CEACAM1: variants seen among roughly 807,000 people sequenced by gnomAD.
CEACAM1 encodes the protein CEA cell adhesion molecule 1.
CEACAM1 carries 31 observed loss-of-function variants against 49.1 expected under a neutral mutation model. The ratio of observed to expected loss-of-function variants is 0.63; its 90% CI spans 0.47 to 0.85. The LOEUF is 0.85. Ranked by LOEUF, CEACAM1 falls within the 40% of genes least tolerant of loss-of-function variation. The pLI is 0.00. For synonymous variants in CEACAM1, 244 were observed against 247.8 expected, an observed-to-expected ratio of 0.98 and a Z score of 0.14; for missense variants, 570 against 645.3, an observed-to-expected ratio of 0.88 and a Z score of 1.26.
In CEACAM1 at chr19:42,519,079, A is replaced by G; in HGVS notation, c.1115T>C (p.Met372Thr). 1.2e-6 allele frequency: 2 copies of G among 1,614,138 alleles called. No homozygotes were observed. The highest frequency in any genetic ancestry group is 1.7e-6 in the Non-Finnish European group (2 of 1,180,028). The change falls in exon 5 of 9, where the codon ATG becomes ACG. Residue 372 changes from methionine to threonine, a missense_variant. Physicochemically the swap from Met to Thr is moderately conservative, Grantham distance 81. Transcript: ENST00000161559. ...KNQSLPSSERMKLSQGNTTLS... is the reference protein window; with the variant it reads ...KNQSLPSSERTKLSQGNTTLS... Reference sequence around the variant, plus strand: ...GGTGGTGTTGCCCTGGGACAGCTTCATCCTCTCCGAGGACGGGAGACTCTG... The same window carrying G: ...GGTGGTGTTGCCCTGGGACAGCTTCGTCCTCTCCGAGGACGGGAGACTCTG...
intron 5 of CEACAM1, chr19:42,514,929 T>C (rs906915301): frequency 1.7e-6 from 1 of 583,172 alleles, no homozygotes; most frequent in Admixed American, 3.1e-5. Flanking sequence ...ACATTTCCTC[T>C]GTGTGTGGTG....
intron 4 of CEACAM1, 67 bp downstream of exon 4, chr19:42,521,199 TG>T (rs2041736766): frequency 1.3e-6 from 2 of 1,568,232 alleles, no homozygotes; most frequent in Non-Finnish European, 1.7e-6. Context: ...ATTTCTTCTC[TG>T]CTCCTATTTG....
chr19:42,512,534 G>A (rs2041485071), intron 5 of CEACAM1, 55 bp from the exon 6 acceptor site: 1 of 1,540,418 alleles, frequency 6.5e-7, no homozygotes, highest in Admixed American at 1.7e-5. Flanking sequence ...TTTACAATGG[G>A]GGCTGGGAAA....
chr19:42,517,805 G>C (rs2041635816), intron 5 of CEACAM1, among the ~76,000 whole-genome samples: 1 of 152,322 alleles, frequency 6.6e-6, no homozygotes, highest in Admixed American at 6.5e-5. Context: ...ATTACCATTT[G>C]ATCCAGCAAT....
At position 42,512,454 on chromosome 19, in the gene CEACAM1, G is replaced by A. The variant is rs761364862; in HGVS notation, c.1272C>T (p.Gly424=). 3.1e-6 allele frequency: 5 copies of A among 1,614,120 alleles called. No homozygotes were observed. Among genetic ancestry groups the A allele is most frequent in the Admixed American group, 3.3e-5 (2 of 60,026 alleles). The change falls in exon 6 of 9, where the codon GGC becomes GGT. Residue 424 remains glycine (G), a synonymous_variant. Coordinates refer to ENST00000161559, the MANE Select transcript of CEACAM1 (RefSeq NM_001712.5). The stretch of plus-strand genomic sequence containing the variant: ...TGCCAGCAATGGCCCCAGGTGAGAG[G>A]CCATTTTCTTGTGGTAGAGCATTAT... The part of the protein sequence containing the change: ...VNYNALPQEN[G]LSPGAIAGIV...
intron 4 of CEACAM1, 37 bp downstream of exon 4, chr19:42,521,230 C>G (rs766467980): frequency 3.1e-6 from 5 of 1,606,350 alleles, no homozygotes; most frequent in Non-Finnish European, 4.3e-6. Context: ...AAGCTTGTAC[C>G]CCAGATCTTA....
chr19:42,512,600 G>T, intron 5 of CEACAM1, 121 bp from the exon 6 acceptor site: 1 of 977,156 alleles, frequency 1.0e-6, no homozygotes, highest in Non-Finnish European at 1.5e-6. Flanking sequence ...CAGTTTCGTT[G>T]TGGGAAGGTT....
rs2041911178 is a variant in CEACAM1 at position 42,527,112 on chromosome 19, C to T, written c.353G>A (p.Gly118Glu). ...LIQNVTQNDTGFYTLQVIKSD... is the reference protein window; with the variant it reads ...LIQNVTQNDTEFYTLQVIKSD... ...CTTTATGACTTGTAGGGTGTAGAATCCTGTGTCATTCTGGGTGACGTTCTG... is the reference window on the plus strand; with the variant it reads ...CTTTATGACTTGTAGGGTGTAGAATTCTGTGTCATTCTGGGTGACGTTCTG... The change falls in exon 2 of 9, where the codon GGA becomes GAA. Residue 118 changes from glycine to glutamate, a missense_variant. Gly to Glu is a moderately conservative substitution (Grantham distance 98, BLOSUM62 -2). Transcript: ENST00000161559. 1.9e-6 allele frequency: 3 copies of T among 1,613,980 alleles called. No homozygotes were observed. The highest frequency in any genetic ancestry group is 2.2e-5 in the South Asian group (2 of 91,068).
Position 42,521,446 on chromosome 19 carries a change from T to C in CEACAM1, c.779A>G (p.Tyr260Cys). Residue 260 changes from tyrosine (Y) to cysteine (C), a missense_variant, in exon 4 of 9, where the codon TAT (tyrosine) becomes TGT (cysteine). Physicochemically the swap from Tyr to Cys is radical, Grantham distance 194. Coordinates refer to ENST00000161559, the MANE Select transcript of CEACAM1 (RefSeq NM_001712.5). ...RPGANLSLSC[Y>C]AASNPPAQYS... is the part of the protein sequence containing the mutation. ...CTGTGCAGGTGGGTTAGAGGCTGCA[T>C]AGCAGGAGAGGCTGAGGTTTGCCCC... 1 of 1,614,202 alleles carries C rather than the reference T, an allele frequency of 6.2e-7. No individual in the cohort carries two copies. The highest frequency in any genetic ancestry group is 8.5e-7 in the Non-Finnish European group (1 of 1,180,028).
chr19:42,521,818 G>A, intron 3 of CEACAM1, 106 bp downstream of exon 3: 1 of 1,593,934 alleles, frequency 6.3e-7, no homozygotes, highest in Non-Finnish European at 8.6e-7. Flanking sequence ...GGTGTCCAGG[G>A]TTAAGGGTCT....
chr19:42,509,209 GAATA>G lies in CEACAM1; in HGVS notation c.1477_1480del (p.Tyr493LeufsTer3). 1.2e-6 allele frequency: 2 copies of G among 1,612,016 alleles called. No homozygotes were observed. Among genetic ancestry groups the G allele is most frequent in the Non-Finnish European group, 1.7e-6 (2 of 1,179,022 alleles). On this transcript the variant is annotated frameshift_variant, in exon 9 of 9. Transcript: ENST00000161559. LOFTEE classifies it low-confidence loss of function (END_TRUNC). ...TTGCTGGGCTTCAAAGTTCAGGGTAGAATAAGTAACTTCATTCATCTGAAAAGCA... is the reference window on the plus strand; with the variant it reads ...TTGCTGGGCTTCAAAGTTCAGGGTAGAGTAACTTCATTCATCTGAAAAGCA...
rs1392791420 is a variant in CEACAM1 at position 42,521,936 on chromosome 19, A to G, written c.691T>C (p.Leu231=). 8.7e-6 allele frequency: 14 copies of G among 1,614,242 alleles called. No homozygotes were observed. The highest frequency in any genetic ancestry group is 1.2e-5 in the Non-Finnish European group (14 of 1,180,048). ...VSANRSDPVT[L]NVTYGPDTPT... Reference sequence around the variant, plus strand: ...AGAAGATACTCACAGGTGACATTCAAGGTGACTGGGTCACTGCGGTTCGCA... The same window carrying G: ...AGAAGATACTCACAGGTGACATTCAGGGTGACTGGGTCACTGCGGTTCGCA... The change falls in exon 3 of 9, where the codon TTG becomes CTG. Residue 231 remains leucine, a synonymous_variant. Coordinates refer to ENST00000161559, the MANE Select transcript of CEACAM1 (RefSeq NM_001712.5).
chr19:42,518,708 G>A, intron 5 of CEACAM1: 1 of 506,044 alleles, frequency 2.0e-6, no homozygotes, highest in Non-Finnish European at 3.6e-6. Context: ...CACCATATTA[G>A]CCAGGATGGT....
chr19:42,519,478 C>A, intron 4 of CEACAM1: 1 of 513,156 alleles, frequency 1.9e-6, no homozygotes, highest in Non-Finnish European at 3.5e-6. Context: ...TCAGAGTGAC[C>A]CTCTGGATAT....
intron 4 of CEACAM1, among the ~76,000 whole-genome samples, chr19:42,520,235 C>A (rs1189122505): frequency 1.3e-5 from 2 of 152,268 alleles, no homozygotes; most frequent in African/African-American, 4.8e-5. Flanking sequence ...GTGTGGGTCA[C>A]TCGCTGTGCT....
rs777197777 is a variant in CEACAM1, at chr19:42,528,442, G to C, written c.-68C>G. 1 of 1,487,974 alleles carries C rather than the reference G, an allele frequency of 6.7e-7. No individual in the cohort carries two copies. Among genetic ancestry groups the C allele is most frequent in the Middle Eastern group, 1.7e-4 (1 of 5,806 alleles). 92.2% of individuals were successfully genotyped at this position (1,487,974 alleles called of 1,614,324 possible). A position where few individuals can be genotyped will look rare whatever the true frequency, so the allele number is the denominator to read the frequency against. The stretch of plus-strand genomic sequence containing the variant: ...TGGGCTCCAGGAACGCTTCGAGCAC[G>C]GCTGCTCTGTCACCTCTGCTGTTTT... On this transcript the variant is annotated 5_prime_UTR_variant, in exon 1 of 9. Coordinates refer to ENST00000161559, the MANE Select transcript of CEACAM1 (RefSeq NM_001712.5).
In CEACAM1 at chr19:42,521,288, CTG is replaced by C. The variant is rs2041740183; in HGVS notation, c.935_936del (p.Thr312SerfsTer8). On this transcript the variant is annotated frameshift_variant, in exon 4 of 9. Coordinates refer to ENST00000161559, the MANE Select transcript of CEACAM1 (RefSeq NM_001712.5). LOFTEE classifies it high-confidence loss of function. ...NNSVTGCNRT[T>X]VKTIIVTELS... is the part of the protein sequence containing the mutation. ...TTACCAGTGACTATGATCGTCTTGA[CTG>C]TGGTCCTGTTGCAGCCAGTGACTGA... 1 of 1,614,112 alleles carries C rather than the reference CTG, an allele frequency of 6.2e-7. No individual in the cohort carries two copies. Among genetic ancestry groups the C allele is most frequent in the African/African-American group, 1.3e-5 (1 of 74,946 alleles).
At position 42,524,710 on chromosome 19, in the gene CEACAM1, AG is replaced by A. The variant is rs2041845596; in HGVS notation, c.424+2330del. 3.3e-5 allele frequency among the ~76,000 whole-genome samples: 5 copies of A among 152,208 alleles called. No homozygotes were observed. The South Asian group carries it at 1.0e-3, about 32-fold the overall frequency. On this transcript the variant is annotated intron_variant, in intron 2 of 8. Coordinates refer to ENST00000161559, the MANE Select transcript of CEACAM1 (RefSeq NM_001712.5). The stretch of plus-strand genomic sequence containing the variant: ...TGCAGTTCAGCTGGGATAAAAGGAG[AG>A]GAAAATGAGGACATGGAGGAGCAGA...
intron 5 of CEACAM1, chr19:42,515,162 C>T: frequency 1.8e-6 from 1 of 547,480 alleles, no homozygotes; most frequent in Non-Finnish European, 3.3e-6. Context: ...ACTTAGGAGG[C>T]TAAGGTGAGG....
Sources: allele counts gnomAD v4.1 joint callset (sites outside exome capture counted in the v4.1 genomes callset), GRCh38; gene constraint gnomAD v4.1.1; transcripts MANE v1.5; gene names NCBI Gene and HGNC (gene_info 2026-07-23, HGNC 2026-07-21).